The following PARD3 variants were observed in gnomAD, a reference collection of about 807,000 sequenced individuals.
PARD3 encodes the protein par-3 family cell polarity regulator.
PARD3 carries 75 observed loss-of-function variants against 155.4 expected under a neutral mutation model. The ratio of observed to expected loss-of-function variants is 0.48; its 90% CI spans 0.40 to 0.58. PARD3 has a LOEUF of 0.58. Ranked by LOEUF, PARD3 falls within the 20% of genes least tolerant of loss-of-function variation. The pLI, the probability that PARD3 is intolerant of heterozygous loss-of-function variation, is 0.00. For synonymous variants in PARD3, 576 were observed against 610.5 expected, an observed-to-expected ratio of 0.94 and a Z score of 0.83; for missense variants, 1,642 against 1,721.7, an observed-to-expected ratio of 0.95 and a Z score of 0.82.
chr10:34,814,873 C>T lies in PARD3; in HGVS notation c.120+3G>A. On this transcript the variant is annotated splice_donor_region_variant and intron_variant, in intron 1 of 24. Coordinates refer to ENST00000374788, the MANE Select transcript of PARD3 (RefSeq NM_001184785.2). ...CTCCCCGCCCGCGCCCCCGGCCCCT[C>T]ACCTTGGCGATGGCCTTCCGGTAGC... 1 of 1,514,912 alleles carries T rather than the reference C, an allele frequency of 6.6e-7. No homozygotes were observed. The highest frequency in any genetic ancestry group is 8.9e-7 in the Non-Finnish European group (1 of 1,129,330). 93.8% of individuals were successfully genotyped at this position (1,514,912 alleles called of 1,614,324 possible).
chr10:34,666,217 CAA>C (rs72060788), intron 2 of PARD3, among the ~76,000 whole-genome samples: 1 of 119,758 alleles, frequency 8.4e-6, no homozygotes. Flanking sequence ...AAGATCTTAT[CAA>C]AAAAAAAAAA....
chr10:34,438,923 C>G (rs2076322443), intron 5 of PARD3, among the ~76,000 whole-genome samples: 1 of 152,040 alleles, frequency 6.6e-6, no homozygotes, highest in Admixed American at 6.6e-5. Context: ...GCAAGCCAGG[C>G]TGGTGCCACA....
At chr10:34,526,950 T>TG (rs1357207757) in intron 2 of PARD3, among the ~76,000 whole-genome samples, 1 of 152,204 alleles carries the variant, frequency 6.6e-6, no homozygotes, top group African/African-American at 2.4e-5. Context: ...TTGTAAAAAA[T>TG]GACTCATCAC....
chr10:34,150,261 A>G (rs1455224979), intron 22 of PARD3, among the ~76,000 whole-genome samples: 1 of 152,184 alleles, frequency 6.6e-6, no homozygotes, highest in Non-Finnish European at 1.5e-5. Context: ...ATCTAGGGAG[A>G]GACATAGAGT....
intron 1 of PARD3, among the ~76,000 whole-genome samples, chr10:34,762,223 T>C (rs1837527184): frequency 1.3e-5 from 2 of 151,934 alleles, no homozygotes; most frequent in Admixed American, 6.6e-5. Context: ...AGTTTACTTT[T>C]TTGTGTGTGA....
intron 20 of PARD3, among the ~76,000 whole-genome samples, chr10:34,289,611 G>A (rs1956578040): frequency 6.6e-6 from 1 of 152,084 alleles, no homozygotes; most frequent in South Asian, 2.1e-4. Flanking sequence ...AGGAGTGAAG[G>A]TACACTTTTA....
At chr10:34,119,451 C>G (rs773962970) in intron 24 of PARD3, among the ~76,000 whole-genome samples, 162 bp downstream of exon 24, 3 of 152,180 alleles carry the variant, frequency 2.0e-5, no homozygotes, top group Non-Finnish European at 4.4e-5. Context: ...CGACAGCCCC[C>G]CACGCTAAGG....
At chr10:34,221,042 G>A (rs191048380) in intron 22 of PARD3, among the ~76,000 whole-genome samples, 1 of 152,198 alleles carries the variant, frequency 6.6e-6, no homozygotes, top group Admixed American at 6.5e-5. Context: ...CTTCCTGCAG[G>A]GCTGGGTGAA....
chr10:34,267,120 A>C (rs1295865245), intron 22 of PARD3, among the ~76,000 whole-genome samples: 1 of 95,602 alleles, frequency 1.0e-5, no homozygotes, highest in Non-Finnish European at 2.3e-5. Context: ...TATGTCAACT[A>C]ATTTTTTTTT....
chr10:34,401,996 G>A (rs1843937544), intron 5 of PARD3, 79 bp from the exon 6 acceptor site: 9 of 1,122,846 alleles, frequency 8.0e-6, no homozygotes, highest in Non-Finnish European at 1.2e-5. Flanking sequence ...TGGATAAAAT[G>A]GAAGTCTAAT....
intron 5 of PARD3, among the ~76,000 whole-genome samples, chr10:34,440,033 C>T (rs1489052267): frequency 6.6e-6 from 1 of 152,048 alleles, no homozygotes; most frequent in East Asian, 1.9e-4. Context: ...ATACAACCAC[C>T]GGGCAAAATG....
intron 1 of PARD3, among the ~76,000 whole-genome samples, chr10:34,765,824 G>A (rs146325927): frequency 3.5e-4 from 54 of 152,242 alleles, no homozygotes; most frequent in Middle Eastern, 3.4e-3. Flanking sequence ...TGTGAGCCAC[G>A]GAACATTCTC....
chr10:34,518,243 T>C lies in PARD3; in HGVS notation c.223-1084A>G, dbSNP rs80267487. ...ACCGACAAATGGGTAAGTATATCAA[T>C]AAATGTTAATGAATGTGTGAGTATA... On this transcript the variant is annotated intron_variant, in intron 2 of 24. Coordinates refer to ENST00000374788, the MANE Select transcript of PARD3 (RefSeq NM_001184785.2). Among the ~76,000 whole-genome samples the C allele has an allele frequency of 1.3e-3, 203 of 152,298 alleles. 1 individual carries two copies. Among genetic ancestry groups the C allele is most frequent in the African/African-American group, 4.5e-3 (188 of 41,552 alleles).
chr10:34,337,873 T>C (rs1334451323), intron 16 of PARD3, among the ~76,000 whole-genome samples: 2 of 152,266 alleles, frequency 1.3e-5, no homozygotes, highest in African/African-American at 4.8e-5. Flanking sequence ...AGCCTTCTTA[T>C]GTATCTTTTA....
intron 22 of PARD3, among the ~76,000 whole-genome samples, chr10:34,246,569 AG>A (rs1311592149): frequency 2.0e-5 from 3 of 152,178 alleles, no homozygotes; most frequent in Non-Finnish European, 1.5e-5. Context: ...AACTACACAG[AG>A]AAAGAGCTCC....
chr10:34,462,302 C>T (rs1017453692), intron 4 of PARD3, among the ~76,000 whole-genome samples: 3 of 152,126 alleles, frequency 2.0e-5, no homozygotes, highest in African/African-American at 4.8e-5. Flanking sequence ...GGATGGTTAC[C>T]ATAATGCTGG....
At chr10:34,524,662 C>T (rs1475338414) in intron 2 of PARD3, among the ~76,000 whole-genome samples, 2 of 152,208 alleles carry the variant, frequency 1.3e-5, no homozygotes, top group South Asian at 2.1e-4. Context: ...TCATGAGTGC[C>T]ACTGTTACAC....
chr10:34,483,935 G>A (rs1430959876), intron 3 of PARD3, among the ~76,000 whole-genome samples: 2 of 152,044 alleles, frequency 1.3e-5, no homozygotes, highest in South Asian at 2.1e-4. Flanking sequence ...TTAAACTCAC[G>A]GCTAACAGGA....
intron 2 of PARD3, among the ~76,000 whole-genome samples, chr10:34,680,563 A>C (rs2133328364): frequency 6.6e-6 from 1 of 151,832 alleles, no homozygotes. Context: ...CGTCTAAAAA[A>C]AAAAAAATGA....
Sources: allele counts gnomAD v4.1 joint callset (sites outside exome capture counted in the v4.1 genomes callset), GRCh38; gene constraint gnomAD v4.1.1; transcripts MANE v1.5; gene names NCBI Gene and HGNC (gene_info 2026-07-23, HGNC 2026-07-21).